The following DNAJC1 variants were observed in gnomAD, a reference collection of about 807,000 sequenced individuals.
DNAJC1 encodes DnaJ heat shock protein family (Hsp40) member C1.
Under a neutral mutation model 76.6 loss-of-function variants are expected in DNAJC1, and 58 were observed. That is an observed-to-expected ratio of 0.76 (90% CI 0.61 to 0.94). The LOEUF (loss-of-function observed/expected upper bound fraction) is 0.94. Among genes scored for constraint, DNAJC1 ranks in the 40% least tolerant of loss-of-function variants. The pLI is 0.00. For synonymous variants in DNAJC1, 258 were observed against 267.9 expected (o/e 0.96, Z 0.36); for missense variants, 689 against 677.3 (o/e 1.02, Z -0.19).
chr10:21,986,831 G>C (rs549686598), intron 1 of DNAJC1, among the ~76,000 whole-genome samples: 1 of 151,872 alleles, frequency 6.6e-6, no homozygotes, highest in Non-Finnish European at 1.5e-5. Context: ...GCAATGGCGC[G>C]ATCTCAGCTC....
chr10:21,823,424 A>G (rs557544438), intron 8 of DNAJC1, among the ~76,000 whole-genome samples: 1 of 152,324 alleles, frequency 6.6e-6, no homozygotes, highest in African/African-American at 2.4e-5. Flanking sequence ...CCATTTAACT[A>G]CATTTTTACA....
At chr10:21,926,214 A>C (rs1230829389) in intron 3 of DNAJC1, among the ~76,000 whole-genome samples, 1 of 150,586 alleles carries the variant, frequency 6.6e-6, no homozygotes, top group Non-Finnish European at 1.5e-5. Flanking sequence ...AGCCTCCCAA[A>C]GTGCTAGGAT....
At chr10:21,870,344 G>A (rs1430053742) in intron 8 of DNAJC1, among the ~76,000 whole-genome samples, 1 of 152,036 alleles carries the variant, frequency 6.6e-6, no homozygotes, top group Non-Finnish European at 1.5e-5. Context: ...GACAAAATCA[G>A]AAGAGTAAGA....
chr10:21,885,123 T>C (rs1186378949), intron 7 of DNAJC1, among the ~76,000 whole-genome samples: 3 of 151,840 alleles, frequency 2.0e-5, no homozygotes, highest in Non-Finnish European at 4.4e-5. Context: ...AAGAGACCCA[T>C]CTCACAAGTA....
chr10:21,849,403 A>G (rs1835715130), intron 8 of DNAJC1, among the ~76,000 whole-genome samples: 1 of 151,670 alleles, frequency 6.6e-6, no homozygotes, highest in African/African-American at 2.4e-5. Flanking sequence ...GAGATCAGAG[A>G]CCAAAGCTAG....
intron 1 of DNAJC1, among the ~76,000 whole-genome samples, chr10:21,983,609 T>C (rs1450266752): frequency 6.6e-6 from 1 of 151,364 alleles, no homozygotes; most frequent in Non-Finnish European, 1.5e-5. Flanking sequence ...AAATCCCAGC[T>C]ACTGGGGAGG....
At chr10:21,794,284 AAG>A (rs746061760) in intron 9 of DNAJC1, among the ~76,000 whole-genome samples, 48 of 149,498 alleles carry the variant, frequency 3.2e-4, no homozygotes, top group Non-Finnish European at 6.1e-4. Context: ...AAAAAAAAAA[AAG>A]AGAGAGAGAG....
intron 8 of DNAJC1, among the ~76,000 whole-genome samples, chr10:21,881,700 T>C (rs936667160): frequency 6.6e-6 from 1 of 151,990 alleles, no homozygotes; most frequent in Admixed American, 6.6e-5. Context: ...CAGATGACCA[T>C]ACCAGATGTT....
chr10:21,930,351 A>G (rs1189700179), intron 1 of DNAJC1, among the ~76,000 whole-genome samples: 2 of 152,174 alleles, frequency 1.3e-5, no homozygotes, highest in Admixed American at 1.3e-4. Flanking sequence ...ATGATAGTAA[A>G]CTTGCTTACT....
intron 8 of DNAJC1, among the ~76,000 whole-genome samples, chr10:21,842,220 A>G (rs1835585744): frequency 6.6e-6 from 1 of 152,050 alleles, no homozygotes; most frequent in Non-Finnish European, 1.5e-5. Flanking sequence ...CATGTTGTGC[A>G]CATGTACCCT....
intron 1 of DNAJC1, among the ~76,000 whole-genome samples, chr10:21,998,282 C>T (rs1036548551): frequency 1.4e-5 from 2 of 147,030 alleles, no homozygotes; most frequent in Non-Finnish European, 3.0e-5. Context: ...CCCAGCTACT[C>T]GGGAGGCTGA....
intron 8 of DNAJC1, among the ~76,000 whole-genome samples, chr10:21,829,558 G>A (rs1168849069): frequency 6.6e-6 from 1 of 151,918 alleles, no homozygotes; most frequent in Admixed American, 6.6e-5. Flanking sequence ...AACCATGTTG[G>A]CCAGGCTGGT....
At chr10:21,810,391 A>C (rs573446246) in intron 8 of DNAJC1, among the ~76,000 whole-genome samples, 8 of 152,274 alleles carry the variant, frequency 5.3e-5, no homozygotes, top group African/African-American at 1.9e-4. Context: ...GTCCCCCTAT[A>C]ATCTTAGGGG....
At chr10:21,924,581 T>C (rs1164545281) in intron 3 of DNAJC1, among the ~76,000 whole-genome samples, 7 of 152,168 alleles carry the variant, frequency 4.6e-5, no homozygotes, top group Non-Finnish European at 1.0e-4. Context: ...TCATAAAAAT[T>C]TGTTGGAACA....
intron 7 of DNAJC1, among the ~76,000 whole-genome samples, chr10:21,891,501 GA>G (rs1435674322): frequency 3.4e-5 from 4 of 118,488 alleles, no homozygotes; most frequent in Admixed American, 2.5e-4. Flanking sequence ...AAAAAGAAAA[GA>G]AAAAAAAAAG....
chr10:21,852,556 G>GA (rs1314865322), intron 8 of DNAJC1, among the ~76,000 whole-genome samples: 1 of 152,044 alleles, frequency 6.6e-6, no homozygotes, highest in African/African-American at 2.4e-5. Context: ...AAGCTAAAAT[G>GA]AAAAAAGACA....
At chr10:21,854,164 T>C (rs1162892341) in intron 8 of DNAJC1, among the ~76,000 whole-genome samples, 1 of 152,044 alleles carries the variant, frequency 6.6e-6, no homozygotes, top group Non-Finnish European at 1.5e-5. Context: ...AGAAGAGAAA[T>C]ATAAGTCACC....
chr10:21,789,765 T>G (rs1834657548), intron 9 of DNAJC1, among the ~76,000 whole-genome samples: 1 of 151,996 alleles, frequency 6.6e-6, no homozygotes. Flanking sequence ...ATCCCAGCAC[T>G]TTGGGAGACC....
intron 8 of DNAJC1, among the ~76,000 whole-genome samples, chr10:21,819,648 G>C (rs1835125298): frequency 6.6e-6 from 1 of 152,032 alleles, no homozygotes; most frequent in Non-Finnish European, 1.5e-5. Flanking sequence ...GCATACCATA[G>C]GCCAGGCACA....
Sources: gnomAD v4.1 joint callset for allele counts (sites outside exome capture counted in the v4.1 genomes callset) on GRCh38, gnomAD v4.1.1 for gene constraint, MANE v1.5 for transcripts, NCBI Gene and HGNC (gene_info 2026-07-23, HGNC 2026-07-21) for gene names.